The following PPP1R3C variants were observed in gnomAD, a reference collection of about 807,000 sequenced individuals.
PPP1R3C encodes the protein PP1 subunit R5.
PPP1R3C carries 20 observed loss-of-function variants against 29.3 expected under a neutral mutation model. The ratio of observed to expected loss-of-function variants is 0.68; its 90% CI spans 0.48 to 0.99. The LOEUF (loss-of-function observed/expected upper bound fraction) is 0.99, where lower values mean the gene tolerates loss of function less well. PPP1R3C is among the 50% of genes least tolerant of loss of function. The probability of loss-of-function intolerance (pLI) is 0.00; values close to 1 mark genes in which losing one functional copy is unlikely to be tolerated. For missense variants in PPP1R3C, 321 were observed against 386.0 expected, an observed-to-expected ratio of 0.83 and a Z score of 1.41; for synonymous variants, 123 against 143.1, an observed-to-expected ratio of 0.86 and a Z score of 1.00.
rs928633932 is a variant in PPP1R3C, at chr10:91,629,831, G to A, written c.*96C>T. 3.8e-6 allele frequency: 5 copies of A among 1,309,002 alleles called. No individual in the cohort carries two copies. The African/African-American group carries it at 5.8e-5, about 15-fold the overall frequency. The allele number at this position is 1,309,002 out of a possible 1,614,324, so 81.1% of individuals were successfully genotyped here. A position where few individuals can be genotyped will look rare whatever the true frequency, so the allele number is the denominator to read the frequency against. On this transcript the variant is annotated 3_prime_UTR_variant, in exon 2 of 2. Coordinates refer to ENST00000238994, the MANE Select transcript of PPP1R3C (RefSeq NM_005398.7). ...TCAAAAGCTCAAATCTAAACCTACT[G>A]ATGGAGTAGCAAAGGCTTCCTAAAA...
rs1848690291 is a variant in PPP1R3C, at chr10:91,629,541, G to C, written c.*386C>G. The C allele has an allele frequency of 4.5e-6, 1 of 219,924 alleles. No homozygotes were observed. The highest frequency in any genetic ancestry group is 2.3e-5 in the African/African-American group (1 of 43,786). 13.6% of individuals were successfully genotyped at this position (219,924 alleles called of 1,614,324 possible). ...TCCCACTCCTCTGACTTGAGCTTCA[G>C]AGCCCTTTGTGTATACTTTTCACAC... On this transcript the variant is annotated 3_prime_UTR_variant, in exon 2 of 2. Transcript: ENST00000238994.
rs2133483399 is a variant in PPP1R3C, at chr10:91,630,043, T to C, written c.838A>G (p.Thr280Ala). The C allele has an allele frequency of 6.2e-7, 1 of 1,614,224 alleles. No homozygotes were observed. Among genetic ancestry groups the C allele is most frequent in the Non-Finnish European group, 8.5e-7 (1 of 1,180,042 alleles). ...GACTCTAACTCTGTCTTAGGAGACG[T>C]CTGGTGGAATGCACAGTCCTGGGGT... ...MAPQDCAFHQ[T>A]SPKTELESTI... is the part of the protein sequence containing the mutation. The change falls in exon 2 of 2, where the codon ACG (threonine) becomes GCG (alanine). Residue 280 changes from threonine to alanine, a missense_variant. By Grantham distance (58) the Thr-to-Ala change is moderately conservative (BLOSUM62 0). Coordinates refer to ENST00000238994, the MANE Select transcript of PPP1R3C (RefSeq NM_005398.7). This position sits in a 1 kb window ranked among gnomAD's most constrained non-coding sequence, Gnocchi z 4.4.
In PPP1R3C at chr10:91,628,860, G is replaced by A. The variant is rs376235854; in HGVS notation, c.*1067C>T. 6.6e-6 allele frequency: 1 copy of A among 152,400 alleles called. No homozygotes were observed. Among genetic ancestry groups the A allele is most frequent in the African/African-American group, 2.4e-5 (1 of 41,366 alleles). The allele number at this position is 152,400 out of a possible 1,614,324, so 9.4% of individuals were successfully genotyped here. A position where few individuals can be genotyped will look rare whatever the true frequency, so the allele number is the denominator to read the frequency against. On this transcript the variant is annotated 3_prime_UTR_variant, in exon 2 of 2. Transcript: ENST00000238994. Reference sequence around the variant, plus strand: ...TTCTTGCATTGAGAATCCTAGTGTCGGGCCTCACGTCAAGCATCACATCAA... The same window carrying A: ...TTCTTGCATTGAGAATCCTAGTGTCAGGCCTCACGTCAAGCATCACATCAA...
chr10:91,629,065 T>C lies in PPP1R3C; in HGVS notation c.*862A>G, dbSNP rs1848685095. The C allele has an allele frequency of 6.6e-6, 1 of 152,228 alleles. No individual in the cohort carries two copies. The highest frequency in any genetic ancestry group is 2.4e-5 in the African/African-American group (1 of 41,452). The allele number at this position is 152,228 out of a possible 1,614,324, so 9.4% of individuals were successfully genotyped here. A position where few individuals can be genotyped will look rare whatever the true frequency, so the allele number is the denominator to read the frequency against. On this transcript the variant is annotated 3_prime_UTR_variant, in exon 2 of 2. Transcript: ENST00000238994. ...CCATTCAGATATTTGGGTTAAACGA[T>C]GACAGTTTTCTGGTTTAATCAAGGC...
At position 91,628,642 on chromosome 10, in the gene PPP1R3C, T is replaced by G; in HGVS notation, c.*1285A>C. 1 of 152,202 alleles carries G rather than the reference T, an allele frequency of 6.6e-6. No individual in the cohort carries two copies. Among genetic ancestry groups the G allele is most frequent in the Non-Finnish European group, 1.5e-5 (1 of 68,030 alleles). 9.4% of individuals were successfully genotyped at this position (152,202 alleles called of 1,614,324 possible). A position where few individuals can be genotyped will look rare whatever the true frequency, so the allele number is the denominator to read the frequency against. ...CATTCTTGTAACACCTCTCAATGGTTGTGCACAATAATAGAAGCAACATTC... is the reference window on the plus strand; with the variant it reads ...CATTCTTGTAACACCTCTCAATGGTGGTGCACAATAATAGAAGCAACATTC... On this transcript the variant is annotated 3_prime_UTR_variant, in exon 2 of 2. Transcript: ENST00000238994.
At position 91,630,918 on chromosome 10, in the gene PPP1R3C, C is replaced by T; in HGVS notation, c.15-52G>A. 2 of 1,494,590 alleles carry T rather than the reference C, an allele frequency of 1.3e-6. No individual in the cohort carries two copies. Among genetic ancestry groups the T allele is most frequent in the Non-Finnish European group, 9.2e-7 (1 of 1,083,708 alleles). 92.6% of individuals were successfully genotyped at this position (1,494,590 alleles called of 1,614,324 possible). A position where few individuals can be genotyped will look rare whatever the true frequency, so the allele number is the denominator to read the frequency against. On this transcript the variant is annotated intron_variant, in intron 1 of 1. Transcript: ENST00000238994. The surrounding 1 kb of genome is among the most constrained non-coding windows in gnomAD (Gnocchi z 4.4). ...TCACCTGGATCGGAAATGCTCTTCC[C>T]CAGTGCCAAATACATATGTACTATT...
rs759859226 is a variant in PPP1R3C at position 91,633,016 on chromosome 10, A to T, written c.-47T>A. ...CTAAAAGCCAGCACCCGCTGCCTGC[A>T]CAAATTCGAACCACAGCTCCAGGCC... On this transcript the variant is annotated 5_prime_UTR_variant, in exon 1 of 2. Transcript: ENST00000238994. The T allele has an allele frequency of 4.4e-6, 7 of 1,602,676 alleles. No individual in the cohort carries two copies. The highest frequency in any genetic ancestry group is 2.3e-5 in the South Asian group (2 of 88,730).
rs368346528 is a variant in PPP1R3C, at chr10:91,630,132, T to C, written c.749A>G (p.Asp250Gly). Residue 250 changes from aspartate (D) to glycine (G), a missense_variant, in exon 2 of 2, where the codon GAT becomes GGT. Coordinates refer to ENST00000238994, the MANE Select transcript of PPP1R3C (RefSeq NM_005398.7). This position sits in a 1 kb window ranked among gnomAD's most constrained non-coding sequence, Gnocchi z 4.4. The part of the protein sequence containing the change: ...ANGQVFWDNN[D>G]GQNYRIVHVQ... ...ATGAACAATTCTATAATTCTGACCA[T>C]CATTGTTGTCCCAAAAGACTTGCCC... 6.2e-7 allele frequency: 1 copy of C among 1,614,090 alleles called. No individual in the cohort carries two copies. The highest frequency in any genetic ancestry group is 1.3e-5 in the African/African-American group (1 of 74,936).
rs1302161566 is a variant in PPP1R3C, at chr10:91,630,351, T to C, written c.530A>G (p.Asn177Ser). 5 of 1,614,198 alleles carry C rather than the reference T, an allele frequency of 3.1e-6. No individual in the cohort carries two copies. The South Asian group carries it at 3.3e-5, about 11-fold the overall frequency. The part of the protein sequence containing the change: ...RTVTGTVKVK[N>S]VSFEKKVQIR... ...CTGAACTTTCTTCTCAAAACTCACA[T>C]TTTTGACTTTAACAGTCCCTGTCAC... The change falls in exon 2 of 2, where the codon AAT becomes AGT. Residue 177 changes from asparagine to serine, a missense_variant. Physicochemically the swap from Asn to Ser is conservative, Grantham distance 46. Coordinates refer to ENST00000238994, the MANE Select transcript of PPP1R3C (RefSeq NM_005398.7). This position sits in a 1 kb window ranked among gnomAD's most constrained non-coding sequence, Gnocchi z 4.4.
In PPP1R3C at chr10:91,629,889, A is replaced by G. The variant is rs1459628271; in HGVS notation, c.*38T>C. The G allele has an allele frequency of 2.5e-6, 4 of 1,603,760 alleles. No individual in the cohort carries two copies. The South Asian group carries it at 4.4e-5, about 18-fold the overall frequency. On this transcript the variant is annotated 3_prime_UTR_variant, in exon 2 of 2. Transcript: ENST00000238994. ...ATACAGACCTAGGATTGCATGGGGG[A>G]ATATGACAAGTCAAGACCAGTTACA...
In PPP1R3C at chr10:91,632,953, T is replaced by C. The variant is rs748831505; in HGVS notation, c.14+3A>G. On this transcript the variant is annotated splice_donor_region_variant and intron_variant, in intron 1 of 1. Transcript: ENST00000238994. The stretch of plus-strand genomic sequence containing the variant: ...CTAGCGCGCAGAGTTGCAGCGAACC[T>C]ACCTGGTGCAGCTCATTAGGCAGAG... 3 of 1,612,596 alleles carry C rather than the reference T, an allele frequency of 1.9e-6. No individual in the cohort carries two copies. The highest frequency in any genetic ancestry group is 1.7e-6 in the Non-Finnish European group (2 of 1,179,484).
rs1479560119 is a variant in PPP1R3C at position 91,630,224 on chromosome 10, G to A, written c.657C>T (p.Ala219=). 1 of 1,614,140 alleles carries A rather than the reference G, an allele frequency of 6.2e-7. No individual in the cohort carries two copies. Among genetic ancestry groups the A allele is most frequent in the Admixed American group, 1.7e-5 (1 of 60,018 alleles). ...TTGGAATGACAGGGGGTAAGTCAAT[G>A]GCAAATGAGAAGGTATCACTATCTG... is the stretch of plus-strand genomic sequence containing the variant. The part of the protein sequence containing the change: ...GGTDSDTFSF[A]IDLPPVIPTE... The change falls in exon 2 of 2, where the codon GCC becomes GCT. Residue 219 remains alanine (A), a synonymous_variant. Transcript: ENST00000238994. The surrounding 1 kb of genome is among the most constrained non-coding windows in gnomAD (Gnocchi z 4.4).
intron 1 of PPP1R3C, 64 bp downstream of exon 1, chr10:91,632,892 C>A: frequency 6.3e-7 from 1 of 1,575,730 alleles, no homozygotes; most frequent in Non-Finnish European, 8.6e-7. Context: ...TGAAACGCCC[C>A]CCAACTTCCC....
chr10:91,631,461 C>T (rs796497079), intron 1 of PPP1R3C, among the ~76,000 whole-genome samples: 1 of 152,054 alleles, frequency 6.6e-6, no homozygotes. Flanking sequence ...CCTCTGCTCC[C>T]TCTGGCTACG....
Position 91,632,992 on chromosome 10 carries a change from T to TA in PPP1R3C, c.-24dup. The TA allele has an allele frequency of 6.2e-7, 1 of 1,611,040 alleles. No homozygotes were observed. The highest frequency in any genetic ancestry group is 8.5e-7 in the Non-Finnish European group (1 of 1,178,810). On this transcript the variant is annotated 5_prime_UTR_variant, in exon 1 of 2. Coordinates refer to ENST00000238994, the MANE Select transcript of PPP1R3C (RefSeq NM_005398.7). ...CATTAGGCAGAGAGGCGGCGGACCC[T>TA]AAAAGCCAGCACCCGCTGCCTGCAC...
chr10:91,633,040 C>G lies in PPP1R3C; in HGVS notation c.-71G>C, dbSNP rs181891733. The G allele has an allele frequency of 4.4e-5, 70 of 1,580,150 alleles. No individual in the cohort carries two copies. Among genetic ancestry groups the G allele is most frequent in the Admixed American group, 2.5e-4 (14 of 55,262 alleles). ...CACAAATTCGAACCACAGCTCCAGG[C>G]CTTGCCCCCGCGGCGGTCGCTGGGA... On this transcript the variant is annotated 5_prime_UTR_variant, in exon 1 of 2. Transcript: ENST00000238994.
chr10:91,631,799 T>C (rs929805417), intron 1 of PPP1R3C, among the ~76,000 whole-genome samples: 1 of 152,152 alleles, frequency 6.6e-6, no homozygotes, highest in Non-Finnish European at 1.5e-5. Context: ...CTTATAAATA[T>C]TGAAAAACTC....
rs936609091 is a variant in PPP1R3C at position 91,630,294 on chromosome 10, T to C, written c.587A>G (p.Tyr196Cys). The C allele has an allele frequency of 6.2e-7, 1 of 1,614,210 alleles. No individual in the cohort carries two copies. Among genetic ancestry groups the C allele is most frequent in the Non-Finnish European group, 8.5e-7 (1 of 1,180,028 alleles). The change falls in exon 2 of 2, where the codon TAC (tyrosine) becomes TGC (cysteine). Residue 196 changes from tyrosine (Y) to cysteine (C), a missense_variant. Coordinates refer to ENST00000238994, the MANE Select transcript of PPP1R3C (RefSeq NM_005398.7). This position sits in a 1 kb window ranked among gnomAD's most constrained non-coding sequence, Gnocchi z 4.4. ...CATATAGACACAGTCTACGTCAGTG[T>C]AGTTTTTCCAAGAATCGAAAGTGAT... is the stretch of plus-strand genomic sequence containing the variant. ...IRITFDSWKN[Y>C]TDVDCVYMKN...
intron 1 of PPP1R3C, among the ~76,000 whole-genome samples, chr10:91,631,486 T>G (rs953246323): frequency 2.0e-5 from 3 of 151,716 alleles, no homozygotes; most frequent in African/African-American, 4.9e-5. Flanking sequence ...CTTATTTTGC[T>G]GCTAAATTGA....
Sources: gnomAD v4.1 joint callset for allele counts (sites outside exome capture counted in the v4.1 genomes callset) on GRCh38, gnomAD v4.1.1 for gene constraint, Gnocchi (gnomAD v3.1) non-coding constraint, MANE v1.5 for transcripts, NCBI Gene and HGNC (gene_info 2026-07-23, HGNC 2026-07-21) for gene names.